The following ZC3HC1 variants were observed in gnomAD, a reference collection of about 807,000 sequenced individuals.
The protein encoded by ZC3HC1 is zinc finger C3HC-type containing 1, also known as zinc finger C3HC-type protein 1.
In ZC3HC1, 38 loss-of-function variants were observed where a neutral mutation model predicts 61.9. The ratio of observed to expected loss-of-function variants is 0.61; its 90% CI spans 0.47 to 0.81. ZC3HC1 has a LOEUF of 0.81. ZC3HC1 is among the 30% of genes least tolerant of loss of function. The probability of loss-of-function intolerance (pLI) is 0.00; values close to 1 mark genes in which losing one functional copy is unlikely to be tolerated. For synonymous variants in ZC3HC1, 213 were observed against 229.9 expected (o/e 0.93, Z 0.67); for missense variants, 554 against 622.7 (o/e 0.89, Z 1.17).
At chr7:130,032,426 A>G (rs150255779) in intron 4 of ZC3HC1, among the ~76,000 whole-genome samples, 2,351 of 151,106 alleles carry the variant, frequency 0.016, 32 homozygotes, top group Middle Eastern at 0.024. Flanking sequence ...TAGGAGGATC[A>G]CTTGAAGCCA....
intron 1 of ZC3HC1, 22 bp from the exon 2 acceptor site, chr7:130,049,166 G>C: frequency 6.4e-7 from 1 of 1,563,916 alleles, no homozygotes; most frequent in Non-Finnish European, 8.7e-7. Context: ...TGGCAAAACT[G>C]TTGGTAAACC....
chr7:130,034,484 C>CAA (rs35780865), intron 4 of ZC3HC1, among the ~76,000 whole-genome samples: 2 of 62,274 alleles, frequency 3.2e-5, no homozygotes, highest in Non-Finnish European at 5.8e-5. Context: ...GACTCCGTCT[C>CAA]AAAAAAAAAA....
At position 130,024,428 on chromosome 7, in the gene ZC3HC1, C is replaced by T. The variant is rs764310434; in HGVS notation, c.855G>A (p.Gln285=). Residue 285 remains glutamine, a synonymous_variant, in exon 7 of 10, where the codon CAG becomes CAA. Coordinates refer to ENST00000358303, the MANE Select transcript of ZC3HC1 (RefSeq NM_016478.5). ...GGTCAGTCATGGACGATTCAATCTG[C>T]TGGAAGCCCCAGAGCCCCACCTTCC... ...CMRKVGLWGF[Q]QIESSMTDLD... is the part of the protein sequence containing the mutation. 16 of 1,614,184 alleles carry T rather than the reference C, an allele frequency of 9.9e-6. No homozygotes were observed. In the East Asian group the frequency reaches 3.6e-4, roughly 36 times the overall value.
chr7:130,048,141 T>C (rs113641226), intron 2 of ZC3HC1, among the ~76,000 whole-genome samples: 1,949 of 133,776 alleles, frequency 0.015, 23 homozygotes, highest in Middle Eastern at 0.038. Context: ...CCTTTCCTAG[T>C]TGTTTTTTTT....
intron 4 of ZC3HC1, among the ~76,000 whole-genome samples, chr7:130,034,341 C>T (rs113967105): frequency 0.026 from 3,891 of 151,530 alleles, 162 homozygotes; most frequent in African/African-American, 0.089. Flanking sequence ...AAAAATTAGC[C>T]GGGTGTGGTG....
intron 2 of ZC3HC1, among the ~76,000 whole-genome samples, chr7:130,041,491 T>C (rs1317826512): frequency 1.3e-5 from 2 of 150,610 alleles, no homozygotes; most frequent in Non-Finnish European, 2.9e-5. Flanking sequence ...TATATTAAAA[T>C]GAATAAGTCA....
chr7:130,027,972 T>C (rs1239951113), intron 5 of ZC3HC1, among the ~76,000 whole-genome samples: 1 of 147,792 alleles, frequency 6.8e-6, no homozygotes, highest in Non-Finnish European at 1.5e-5. Flanking sequence ...ATCTAGAACA[T>C]CCTGCCCAAC....
intron 6 of ZC3HC1, 48 bp from the exon 7 acceptor site, chr7:130,024,554 A>G: frequency 1.3e-6 from 2 of 1,564,696 alleles, no homozygotes; most frequent in Non-Finnish European, 1.7e-6. Flanking sequence ...AACATTTCCA[A>G]ATGACTAAGT....
At chr7:130,044,097 C>T (rs1224818372) in intron 2 of ZC3HC1, among the ~76,000 whole-genome samples, 1 of 152,018 alleles carries the variant, frequency 6.6e-6, no homozygotes, top group East Asian at 1.9e-4. Context: ...TGTACATAAA[C>T]ATATATATTT....
intron 4 of ZC3HC1, among the ~76,000 whole-genome samples, chr7:130,033,261 T>C (rs142766663): frequency 6.1e-4 from 93 of 152,198 alleles, no homozygotes; most frequent in Non-Finnish European, 1.0e-3. Context: ...CTTGAATTCC[T>C]GGACTCAAGC....
chr7:130,038,316 T>C (rs1333709900), intron 4 of ZC3HC1, among the ~76,000 whole-genome samples: 3 of 152,164 alleles, frequency 2.0e-5, no homozygotes, highest in African/African-American at 7.2e-5. Flanking sequence ...TAGTGTACTG[T>C]TTTACTGCAA....
chr7:130,020,274 CTTTT>C (rs531130416), intron 9 of ZC3HC1, among the ~76,000 whole-genome samples: 1 of 134,648 alleles, frequency 7.4e-6, no homozygotes, highest in Admixed American at 7.5e-5. Flanking sequence ...ACACTTTTTT[CTTTT>C]TTTTTTTTTT....
At chr7:130,048,131 C>G (rs1362162578) in intron 2 of ZC3HC1, among the ~76,000 whole-genome samples, 1 of 149,998 alleles carries the variant, frequency 6.7e-6, no homozygotes, top group Non-Finnish European at 1.5e-5. Context: ...GGAAGTGGAC[C>G]CTTTCCTAGT....
chr7:130,048,984 T>C, intron 2 of ZC3HC1, 49 bp downstream of exon 2: 3 of 1,450,954 alleles, frequency 2.1e-6, no homozygotes, highest in Non-Finnish European at 2.8e-6. Context: ...CTTGGAGGAA[T>C]TCTAGAAGCA....
chr7:130,022,586 A>G (rs776434072), intron 8 of ZC3HC1, 61 bp from the exon 9 acceptor site: 12 of 1,563,514 alleles, frequency 7.7e-6, no homozygotes, highest in South Asian at 2.3e-5. Context: ...TCAGGGAGGC[A>G]CTGCTGTTAG....
chr7:130,019,606 T>C (rs968549078), intron 9 of ZC3HC1, among the ~76,000 whole-genome samples: 59 of 152,124 alleles, frequency 3.9e-4, no homozygotes, highest in African/African-American at 1.4e-3. Context: ...TCTGAGATTC[T>C]GAGAAATGGT....
At position 130,042,074 on chromosome 7, in the gene ZC3HC1, G is replaced by A. The variant is rs552811721; in HGVS notation, c.259-973C>T. 1.1e-4 allele frequency among the ~76,000 whole-genome samples: 17 copies of A among 152,174 alleles called. No homozygotes were observed. The South Asian group carries it at 1.7e-3, about 15-fold the overall frequency. ...TCTCAGCACATTGGGAGGCTGAAGC[G>A]GGAGGATCACTTGAGCTCAGGAGTT... is the stretch of plus-strand genomic sequence containing the variant. On this transcript the variant is annotated intron_variant, in intron 2 of 9. Transcript: ENST00000358303.
At chr7:130,044,836 G>A (rs1055472393) in intron 2 of ZC3HC1, among the ~76,000 whole-genome samples, 1 of 152,148 alleles carries the variant, frequency 6.6e-6, no homozygotes. Context: ...ATTGCTTCAC[G>A]ACACTCCTGC....
intron 4 of ZC3HC1, among the ~76,000 whole-genome samples, chr7:130,038,859 C>CAAA (rs368582060): frequency 2.0e-4 from 17 of 86,440 alleles, no homozygotes; most frequent in East Asian, 1.2e-3. Flanking sequence ...GGCTCTGTCT[C>CAAA]AAAAAAAAAA....
Sources: gnomAD v4.1 joint callset for allele counts (sites outside exome capture counted in the v4.1 genomes callset) on GRCh38, gnomAD v4.1.1 for gene constraint, MANE v1.5 for transcripts, NCBI Gene and HGNC (gene_info 2026-07-23, HGNC 2026-07-21) for gene names.